PRLHR: variants seen among roughly 807,000 people sequenced by gnomAD.
PRLHR encodes prolactin releasing hormone receptor.
Under a neutral mutation model 9.3 loss-of-function variants are expected in PRLHR, and 10 were observed. The observed-to-expected ratio is 1.08, with a 90% CI of 0.66 to 1.82. The LOEUF (loss-of-function observed/expected upper bound fraction) is 1.82, where lower values mean the gene tolerates loss of function less well. Among genes scored for constraint, PRLHR ranks in the 40% most tolerant of loss-of-function variants. PRLHR has a pLI of 0.00. For missense variants in PRLHR, 589 were observed against 512.0 expected (o/e 1.15, Z -1.45); for synonymous variants, 261 against 249.3 (o/e 1.05, Z -0.44).
Position 118,594,060 on chromosome 10 carries a change from G to C in PRLHR, c.*72C>G, listed in dbSNP as rs549502187. On this transcript the variant is annotated 3_prime_UTR_variant, in exon 2 of 2. Coordinates refer to ENST00000239032, the MANE Select transcript of PRLHR (RefSeq NM_004248.3). The stretch of plus-strand genomic sequence containing the variant: ...GCTCTGGTGCTGAGAATAAGCACCA[G>C]ATTGACCTCGAGTGGTGCCCTAGGA... 8.7e-6 allele frequency: 13 copies of C among 1,499,422 alleles called. No individual in the cohort carries two copies. The African/African-American group carries it at 1.8e-4, about 21-fold the overall frequency. 92.9% of individuals were successfully genotyped at this position (1,499,422 alleles called of 1,614,324 possible).
Position 118,594,549 on chromosome 10 carries a change from G to T in PRLHR, c.696C>A (p.Val232=). ...RQLYAWGLLL[V]TYLLPLLVIL... Reference sequence around the variant, plus strand: ...TGACCAGCAGAGGGAGCAGGTAGGTGACCAGCAGCAGCCCCCAGGCGTAGA... The same window carrying T: ...TGACCAGCAGAGGGAGCAGGTAGGTTACCAGCAGCAGCCCCCAGGCGTAGA... Residue 232 remains valine, a synonymous_variant, in exon 2 of 2, where the codon GTC becomes GTA. Coordinates refer to ENST00000239032, the MANE Select transcript of PRLHR (RefSeq NM_004248.3). 6.4e-7 allele frequency: 1 copy of T among 1,565,600 alleles called. No individual in the cohort carries two copies. The highest frequency in any genetic ancestry group is 2.4e-5 in the East Asian group (1 of 42,298).
In PRLHR at chr10:118,595,137, G is replaced by C; in HGVS notation, c.108C>G (p.Asn36Lys). The C allele has an allele frequency of 1.3e-6, 2 of 1,598,726 alleles. No homozygotes were observed. Among genetic ancestry groups the C allele is most frequent in the Non-Finnish European group, 1.7e-6 (2 of 1,175,658 alleles). The change falls in exon 2 of 2, where the codon AAC (asparagine) becomes AAG (lysine). Residue 36 changes from asparagine to lysine, a missense_variant. Asn to Lys is a moderately conservative substitution (Grantham distance 94). Transcript: ENST00000239032. ...ANQSAEASAG[N>K]GSVAGADAPA... ...GAGCGTCCGCGCCAGCCACCGACCC[G>C]TTGCCCGCCGAGGCCTCTGCGCTCT...
chr10:118,592,290 A>G lies in PRLHR; in HGVS notation c.*1842T>C, dbSNP rs935543250. 3 of 152,106 alleles carry G rather than the reference A, an allele frequency of 2.0e-5. No homozygotes were observed. Among genetic ancestry groups the G allele is most frequent in the Non-Finnish European group, 2.9e-5 (2 of 68,016 alleles). 9.4% of individuals were successfully genotyped at this position (152,106 alleles called of 1,614,324 possible). A position where few individuals can be genotyped will look rare whatever the true frequency, so the allele number is the denominator to read the frequency against. ...CTACACTCTCCACACATGACCATCA[A>G]AGGAACTCTCTGAGGAAATGAGAAA... On this transcript the variant is annotated 3_prime_UTR_variant, in exon 2 of 2. Coordinates refer to ENST00000239032, the MANE Select transcript of PRLHR (RefSeq NM_004248.3).
chr10:118,595,337 G>A, intron 1 of PRLHR, 87 bp from the exon 2 acceptor site: 1 of 1,272,830 alleles, frequency 7.9e-7, no homozygotes, highest in Non-Finnish European at 1.1e-6. Context: ...CCCATCGCCT[G>A]AGTCCTCCCT....
chr10:118,594,054 G>T lies in PRLHR; in HGVS notation c.*78C>A. On this transcript the variant is annotated 3_prime_UTR_variant, in exon 2 of 2. Transcript: ENST00000239032. ...TAGCTAGCTCTGGTGCTGAGAATAA[G>T]CACCAGATTGACCTCGAGTGGTGCC... The T allele has an allele frequency of 6.7e-7, 1 of 1,495,734 alleles. No homozygotes were observed. The highest frequency in any genetic ancestry group is 2.3e-5 in the East Asian group (1 of 43,474). 92.7% of individuals were successfully genotyped at this position (1,495,734 alleles called of 1,614,324 possible).
chr10:118,594,308 A>C lies in PRLHR; in HGVS notation c.937T>G (p.Phe313Val). 6.2e-7 allele frequency: 1 copy of C among 1,603,104 alleles called. No individual in the cohort carries two copies. Reference protein sequence around the residue: ...LDPHAIDPYAFGLVQLLCHWL... With the variant: ...LDPHAIDPYAVGLVQLLCHWL... ...TGGCAGAGCAGCTGCACCAGCCCAAAGGCGTAAGGGTCGATGGCGTGGGGG... is the reference window on the plus strand; with the variant it reads ...TGGCAGAGCAGCTGCACCAGCCCAACGGCGTAAGGGTCGATGGCGTGGGGG... Residue 313 changes from phenylalanine to valine, a missense_variant, in exon 2 of 2, where the codon TTT (phenylalanine) becomes GTT (valine). Coordinates refer to ENST00000239032, the MANE Select transcript of PRLHR (RefSeq NM_004248.3).
At position 118,593,868 on chromosome 10, in the gene PRLHR, G is replaced by A. The variant is rs1177864179; in HGVS notation, c.*264C>T. On this transcript the variant is annotated 3_prime_UTR_variant, in exon 2 of 2. Coordinates refer to ENST00000239032, the MANE Select transcript of PRLHR (RefSeq NM_004248.3). ...GAAAAAGTTTTGTTTGTCCTTCAAGGGCATAAAGAAGAAATAAGAAATCCT... is the reference window on the plus strand; with the variant it reads ...GAAAAAGTTTTGTTTGTCCTTCAAGAGCATAAAGAAGAAATAAGAAATCCT... 4 of 400,452 alleles carry A rather than the reference G, an allele frequency of 1.0e-5. No individual in the cohort carries two copies. Among genetic ancestry groups the A allele is most frequent in the Non-Finnish European group, 8.0e-6 (2 of 250,910 alleles). 24.8% of individuals were successfully genotyped at this position (400,452 alleles called of 1,614,324 possible).
chr10:118,595,012 T>C lies in PRLHR; in HGVS notation c.233A>G (p.Asn78Ser). The C allele has an allele frequency of 1.2e-6, 2 of 1,613,000 alleles. No homozygotes were observed. The highest frequency in any genetic ancestry group is 1.7e-6 in the Non-Finnish European group (2 of 1,179,534). ...SVVVVVGLVG[N>S]CLLVLVIARV... The stretch of plus-strand genomic sequence containing the variant: ...CGCGATCACCAGCACCAGCAGGCAG[T>C]TGCCCACCAGCCCCACGACCACCAC... Residue 78 changes from asparagine to serine, a missense_variant, in exon 2 of 2, where the codon AAC (asparagine) becomes AGC (serine). Transcript: ENST00000239032.
In PRLHR at chr10:118,590,583, G is replaced by T. The variant is rs747412904; in HGVS notation, c.*3549C>A. The stretch of plus-strand genomic sequence containing the variant: ...CCTCCCATCAGCCTTGAGAAGGGCT[G>T]CTGCCAAGTACCAAGTTGGCTCAGT... On this transcript the variant is annotated 3_prime_UTR_variant, in exon 2 of 2. Transcript: ENST00000239032. 7.9e-5 allele frequency: 12 copies of T among 152,216 alleles called. No individual in the cohort carries two copies. Among genetic ancestry groups the T allele is most frequent in the Middle Eastern group, 3.2e-3 (1 of 316 alleles). 9.4% of individuals were successfully genotyped at this position (152,216 alleles called of 1,614,324 possible).
chr10:118,594,484 T>C lies in PRLHR; in HGVS notation c.761A>G (p.Asn254Ser), dbSNP rs1214492992. The C allele has an allele frequency of 6.2e-7, 1 of 1,600,088 alleles. No individual in the cohort carries two copies. The highest frequency in any genetic ancestry group is 1.7e-5 in the Admixed American group (1 of 59,204). Reference protein sequence around the residue: ...SYVRVSVKLRNRVVPGCVTQS... With the variant: ...SYVRVSVKLRSRVVPGCVTQS... Reference sequence around the variant, plus strand: ...GGTCACGCAGCCCGGCACCACGCGGTTGCGGAGCTTCACTGACACCCGGAC... The same window carrying C: ...GGTCACGCAGCCCGGCACCACGCGGCTGCGGAGCTTCACTGACACCCGGAC... Residue 254 changes from asparagine (N) to serine (S), a missense_variant, in exon 2 of 2, where the codon AAC (asparagine) becomes AGC (serine). By Grantham distance (46) the Asn-to-Ser change is conservative. Transcript: ENST00000239032.
chr10:118,590,701 A>T lies in PRLHR; in HGVS notation c.*3431T>A, dbSNP rs190571532. On this transcript the variant is annotated 3_prime_UTR_variant, in exon 2 of 2. Transcript: ENST00000239032. ...ATTAACCAAAATGAATTATTAAATA[A>T]AATTTTCTACCTACAGTCCTACGCA... The T allele has an allele frequency of 2.8e-3, 428 of 152,334 alleles. 3 individuals carry two copies. Among genetic ancestry groups the T allele is most frequent in the African/African-American group, 9.9e-3 (412 of 41,578 alleles). The allele number at this position is 152,334 out of a possible 1,614,324, so 9.4% of individuals were successfully genotyped here.
chr10:118,594,268 C>T lies in PRLHR; in HGVS notation c.977G>A (p.Ser326Asn), dbSNP rs1174083587. Residue 326 changes from serine (S) to asparagine (N), a missense_variant, in exon 2 of 2, where the codon AGT (serine) becomes AAT (asparagine). Physicochemically the swap from Ser to Asn is conservative, Grantham distance 46. Transcript: ENST00000239032. ...VQLLCHWLAM[S>N]SACYNPFIYA... The stretch of plus-strand genomic sequence containing the variant: ...GATGAAGGGGTTGTAGCAGGCCGAA[C>T]TCATGGCGAGCCAGTGGCAGAGCAG... The T allele has an allele frequency of 1.2e-6, 2 of 1,605,884 alleles. No individual in the cohort carries two copies. The highest frequency in any genetic ancestry group is 1.7e-6 in the Non-Finnish European group (2 of 1,176,980).
At position 118,594,844 on chromosome 10, in the gene PRLHR, C is replaced by T; in HGVS notation, c.401G>A (p.Cys134Tyr). ...PRGWVFGGGLCHLVFFLQPVT... is the reference protein window; with the variant it reads ...PRGWVFGGGLYHLVFFLQPVT... ...CGGCTGCAGGAAGAAGACCAGGTGG[C>T]ACAGGCCGCCGCCGAACACCCAGCC... The change falls in exon 2 of 2, where the codon TGC becomes TAC. Residue 134 changes from cysteine (C) to tyrosine (Y), a missense_variant. Cys to Tyr is a radical substitution (Grantham distance 194). Coordinates refer to ENST00000239032, the MANE Select transcript of PRLHR (RefSeq NM_004248.3). 1 of 1,613,018 alleles carries T rather than the reference C, an allele frequency of 6.2e-7. No homozygotes were observed. Among genetic ancestry groups the T allele is most frequent in the Admixed American group, 1.7e-5 (1 of 60,022 alleles).
At position 118,594,616 on chromosome 10, in the gene PRLHR, A is replaced by T; in HGVS notation, c.629T>A (p.Leu210His). The change falls in exon 2 of 2, where the codon CTC becomes CAC. Residue 210 changes from leucine (L) to histidine (H), a missense_variant. Coordinates refer to ENST00000239032, the MANE Select transcript of PRLHR (RefSeq NM_004248.3). ...CTGGGAGCCCCAGAACTCCTCGCAG[A>T]GGCGCACGTCGTGCGGCTTGAGCTC... is the stretch of plus-strand genomic sequence containing the variant. ...HVELKPHDVR[L>H]CEEFWGSQER... The T allele has an allele frequency of 6.3e-7, 1 of 1,575,432 alleles. No homozygotes were observed. The highest frequency in any genetic ancestry group is 1.1e-5 in the South Asian group (1 of 87,504).
At position 118,590,365 on chromosome 10, in the gene PRLHR, T is replaced by C. The variant is rs1844421856; in HGVS notation, c.*3767A>G. 6.6e-6 allele frequency: 1 copy of C among 152,128 alleles called. No homozygotes were observed. The highest frequency in any genetic ancestry group is 2.4e-5 in the African/African-American group (1 of 41,408). The allele number at this position is 152,128 out of a possible 1,614,324, so 9.4% of individuals were successfully genotyped here. On this transcript the variant is annotated 3_prime_UTR_variant, in exon 2 of 2. Coordinates refer to ENST00000239032, the MANE Select transcript of PRLHR (RefSeq NM_004248.3). ...TCCCAGTAAAACAGCAGATTGAAAA[T>C]TCACAAGGACAAAAAATCAGACGGT...
chr10:118,594,581 G>C lies in PRLHR; in HGVS notation c.664C>G (p.Arg222Gly). Residue 222 changes from arginine (R) to glycine (G), a missense_variant, in exon 2 of 2, where the codon CGC becomes GGC. By Grantham distance (125) the Arg-to-Gly change is moderately radical. Coordinates refer to ENST00000239032, the MANE Select transcript of PRLHR (RefSeq NM_004248.3). ...AGCAGCCCCCAGGCGTAGAGCTGGC[G>C]CTGGCGCTCCTGGGAGCCCCAGAAC... ...EEFWGSQERQ[R>G]QLYAWGLLLV... The C allele has an allele frequency of 1.3e-6, 2 of 1,558,988 alleles. No homozygotes were observed. Among genetic ancestry groups the C allele is most frequent in the Non-Finnish European group, 1.7e-6 (2 of 1,151,778 alleles).
rs1844431799 is a variant in PRLHR, at chr10:118,591,460, G to T, written c.*2672C>A. On this transcript the variant is annotated 3_prime_UTR_variant, in exon 2 of 2. Transcript: ENST00000239032. ...TGAATGATGATATTCCTTCTGAATTGATTGGACTGATACATAAGAAATATG... is the reference window on the plus strand; with the variant it reads ...TGAATGATGATATTCCTTCTGAATTTATTGGACTGATACATAAGAAATATG... 1 of 152,146 alleles carries T rather than the reference G, an allele frequency of 6.6e-6. No individual in the cohort carries two copies. The highest frequency in any genetic ancestry group is 6.5e-5 in the Admixed American group (1 of 15,282). 9.4% of individuals were successfully genotyped at this position (152,146 alleles called of 1,614,324 possible). A position where few individuals can be genotyped will look rare whatever the true frequency, so the allele number is the denominator to read the frequency against.
At position 118,591,001 on chromosome 10, in the gene PRLHR, TA is replaced by T. The variant is rs1844427709; in HGVS notation, c.*3130del. ...AGATGCTTGTTTTTCATAGTTGATA[TA>T]AACTTAAGCTAATCAAGGAGCACTT... On this transcript the variant is annotated 3_prime_UTR_variant, in exon 2 of 2. Transcript: ENST00000239032. 6.6e-6 allele frequency: 1 copy of T among 152,250 alleles called. No individual in the cohort carries two copies. Among genetic ancestry groups the T allele is most frequent in the African/African-American group, 2.4e-5 (1 of 41,472 alleles). The allele number at this position is 152,250 out of a possible 1,614,324, so 9.4% of individuals were successfully genotyped here. A position where few individuals can be genotyped will look rare whatever the true frequency, so the allele number is the denominator to read the frequency against.
chr10:118,590,110 ACAT>A lies in PRLHR; in HGVS notation c.*4019_*4021del, dbSNP rs1844420297. 2 of 152,338 alleles carry A rather than the reference ACAT, an allele frequency of 1.3e-5. No homozygotes were observed. The highest frequency in any genetic ancestry group is 4.1e-4 in the South Asian group (2 of 4,828). 9.4% of individuals were successfully genotyped at this position (152,338 alleles called of 1,614,324 possible). A position where few individuals can be genotyped will look rare whatever the true frequency, so the allele number is the denominator to read the frequency against. On this transcript the variant is annotated 3_prime_UTR_variant, in exon 2 of 2. Coordinates refer to ENST00000239032, the MANE Select transcript of PRLHR (RefSeq NM_004248.3). ...CATGCATTTTACACACATAGCAAAG[ACAT>A]CAACGCATGAAGGTAAATCAATCAA...
Sources: gnomAD v4.1 joint callset for allele counts on GRCh38, gnomAD v4.1.1 for gene constraint, MANE v1.5 for transcripts, NCBI Gene and HGNC (gene_info 2026-07-23, HGNC 2026-07-21) for gene names.